The following DGKB variants were observed in gnomAD, a reference collection of about 807,000 sequenced individuals.
The protein encoded by DGKB is 90 kDa diacylglycerol kinase.
In DGKB, 67 loss-of-function variants were observed where a neutral mutation model predicts 114.3. The observed-to-expected ratio is 0.59, with a 90% CI of 0.48 to 0.72. The LOEUF is 0.72. Ranked by LOEUF, DGKB falls within the 30% of genes least tolerant of loss-of-function variation. The pLI, the probability that DGKB is intolerant of heterozygous loss-of-function variation, is 0.00. For synonymous variants in DGKB, 398 were observed against 323.1 expected, an observed-to-expected ratio of 1.23 and a Z score of -2.49; for missense variants, 907 against 975.2, an observed-to-expected ratio of 0.93 and a Z score of 0.93.
At chr7:14,594,980 G>A (rs968848864) in intron 17 of DGKB, among the ~76,000 whole-genome samples, 1 of 152,084 alleles carries the variant, frequency 6.6e-6, no homozygotes, top group African/African-American at 2.4e-5. Context: ...TTGCCTTTGA[G>A]TATCTCACTG....
chr7:14,514,367 G>C (rs1486570489), intron 20 of DGKB, among the ~76,000 whole-genome samples: 2 of 151,984 alleles, frequency 1.3e-5, no homozygotes, highest in Non-Finnish European at 1.5e-5. Context: ...ATAATCTTTT[G>C]AAAAATAGGA....
chr7:14,549,855 G>C (rs1794853810), intron 20 of DGKB, among the ~76,000 whole-genome samples: 1 of 152,076 alleles, frequency 6.6e-6, no homozygotes, highest in South Asian at 2.1e-4. Context: ...GGGCGTGGTG[G>C]CGTGTGCCTG....
chr7:14,238,568 A>C (rs974499831), intron 23 of DGKB, among the ~76,000 whole-genome samples: 4 of 125,766 alleles, frequency 3.2e-5, no homozygotes, highest in African/African-American at 1.4e-4. Flanking sequence ...CTTAGAGTAC[A>C]TTTTCTGATT....
intron 20 of DGKB, among the ~76,000 whole-genome samples, chr7:14,519,623 A>G (rs1286277282): frequency 6.6e-6 from 1 of 152,008 alleles, no homozygotes; most frequent in Non-Finnish European, 1.5e-5. Context: ...TTAACTTCTT[A>G]AGAAACTTCC....
intron 25 of DGKB, among the ~76,000 whole-genome samples, chr7:14,171,997 C>T (rs950346931): frequency 9.2e-5 from 14 of 152,038 alleles, no homozygotes; most frequent in African/African-American, 3.1e-4. Flanking sequence ...AAAACTGAAA[C>T]ACTGAGGCTG....
intron 21 of DGKB, among the ~76,000 whole-genome samples, chr7:14,358,750 G>C (rs943636449): frequency 2.0e-5 from 3 of 152,068 alleles, no homozygotes; most frequent in Non-Finnish European, 4.4e-5. Context: ...TACAAGGGAT[G>C]GGAAGGACCT....
intron 1 of DGKB, among the ~76,000 whole-genome samples, chr7:14,901,151 A>G (rs1782989731): frequency 6.6e-6 from 1 of 152,184 alleles, no homozygotes; most frequent in Non-Finnish European, 1.5e-5. Flanking sequence ...GCACTCCAAC[A>G]ATGCCAAAAA....
At chr7:14,824,687 A>C in intron 2 of DGKB, among the ~76,000 whole-genome samples, 1 of 152,098 alleles carries the variant, frequency 6.6e-6, no homozygotes, top group East Asian at 1.9e-4. Flanking sequence ...AAGGTGAGTT[A>C]CATGAGAAAT....
intron 20 of DGKB, among the ~76,000 whole-genome samples, chr7:14,566,240 T>A (rs1004368906): frequency 6.6e-6 from 1 of 152,172 alleles, no homozygotes; most frequent in Non-Finnish European, 1.5e-5. Context: ...AAAACAATTT[T>A]AAGTATCTAG....
chr7:14,859,127 C>T (rs1850604005), intron 1 of DGKB, among the ~76,000 whole-genome samples: 1 of 151,956 alleles, frequency 6.6e-6, no homozygotes, highest in Non-Finnish European at 1.5e-5. Flanking sequence ...GGAGAGAAGG[C>T]AAATTCCAGG....
At chr7:14,552,536 C>T (rs1795245081) in intron 20 of DGKB, among the ~76,000 whole-genome samples, 1 of 152,154 alleles carries the variant, frequency 6.6e-6, no homozygotes, top group Non-Finnish European at 1.5e-5. Flanking sequence ...CTCCTCCCTC[C>T]CTGTCTCATG....
intron 1 of DGKB, among the ~76,000 whole-genome samples, chr7:14,877,949 T>C (rs1191199403): frequency 1.3e-5 from 2 of 152,168 alleles, no homozygotes; most frequent in Non-Finnish European, 2.9e-5. Flanking sequence ...AATTTTTATG[T>C]ATTTGTTCAA....
chr7:14,361,890 G>A (rs1454876695), intron 21 of DGKB, among the ~76,000 whole-genome samples: 1 of 151,874 alleles, frequency 6.6e-6, no homozygotes, highest in East Asian at 1.9e-4. Context: ...GCAACATGTA[G>A]CATTCATTTA....
intron 1 of DGKB, among the ~76,000 whole-genome samples, chr7:14,860,851 G>A (rs921054648): frequency 6.6e-6 from 1 of 151,724 alleles, no homozygotes; most frequent in Admixed American, 6.6e-5. Context: ...TGCATACCTA[G>A]AAAATTTATA....
At chr7:14,414,468 C>A (rs554355171) in intron 21 of DGKB, among the ~76,000 whole-genome samples, 7 of 152,184 alleles carry the variant, frequency 4.6e-5, no homozygotes, top group Admixed American at 2.0e-4. Flanking sequence ...AGCCAGGCAC[C>A]GGGTTTGGTT....
At chr7:14,492,590 T>G (rs1784745909) in intron 20 of DGKB, among the ~76,000 whole-genome samples, 1 of 152,056 alleles carries the variant, frequency 6.6e-6, no homozygotes, top group Non-Finnish European at 1.5e-5. Context: ...GGGTATTAGA[T>G]GTAATACTTT....
chr7:14,176,927 T>A, intron 24 of DGKB, 28 bp from the exon 25 acceptor site: 1 of 1,612,624 alleles, frequency 6.2e-7, no homozygotes, highest in Non-Finnish European at 8.5e-7. Context: ...ATTGTAAGTA[T>A]TGCAAGGAAA....
Position 14,718,522 on chromosome 7 carries a change from CA to C in DGKB, c.466+19del. On this transcript the variant is annotated intron_variant, in intron 6 of 25. Transcript: ENST00000402815. Reference sequence around the variant, plus strand: ...CCTGCCCCCAATCACGATAAGTAAACAAAATGAAGAAACACATACACTCAAG... The same window carrying C: ...CCTGCCCCCAATCACGATAAGTAAACAAATGAAGAAACACATACACTCAAG... 1 of 1,593,892 alleles carries C rather than the reference CA, an allele frequency of 6.3e-7. No homozygotes were observed. Among genetic ancestry groups the C allele is most frequent in the Non-Finnish European group, 8.5e-7 (1 of 1,172,426 alleles).
intron 1 of DGKB, among the ~76,000 whole-genome samples, chr7:14,957,282 A>T (rs1267042155): frequency 6.6e-6 from 1 of 152,008 alleles, no homozygotes; most frequent in Non-Finnish European, 1.5e-5. Context: ...TTCTAGTGAT[A>T]CACCAAGAAG....
Sources: gnomAD v4.1 joint callset for allele counts (sites outside exome capture counted in the v4.1 genomes callset) on GRCh38, gnomAD v4.1.1 for gene constraint, MANE v1.5 for transcripts, NCBI Gene and HGNC (gene_info 2026-07-23, HGNC 2026-07-21) for gene names.